Variants in SPRR2G observed in about 807,000 individuals in gnomAD.
SPRR2G encodes small proline rich protein 2G.
A neutral mutation model predicts 0.7 loss-of-function variants in SPRR2G; 1 was observed. The observed-to-expected ratio is 1.49, with a 90% CI of 0.53 to 7.06. The LOEUF (loss-of-function observed/expected upper bound fraction) is 7.06. Among genes scored for constraint, SPRR2G ranks in the 30% most tolerant of loss-of-function variants. The probability of loss-of-function intolerance (pLI) is 0.14; values close to 1 mark genes in which losing one functional copy is unlikely to be tolerated. For synonymous variants in SPRR2G, 38 were observed against 33.9 expected (o/e 1.12, Z -0.42); for missense variants, 96 against 88.5 (o/e 1.09, Z -0.34).
At chr1:153,152,299 C>T (rs1056503421), upstream of SPRR2G, among the ~76,000 whole-genome samples, 1 of 152,194 alleles carries the variant, frequency 6.6e-6, no homozygotes, top group Non-Finnish European at 1.5e-5. Context: ...ATTCTTCTAG[C>T]TGTAGTCACT....
the SPRR2G span, among the ~76,000 whole-genome samples, chr1:153,188,303 A>C: frequency 1.3e-5 from 2 of 152,128 alleles, no homozygotes; most frequent in Non-Finnish European, 2.9e-5. Context: ...AGCTGCACCC[A>C]CAGCCACCCC....
At chr1:153,186,801 CT>C in the SPRR2G span, among the ~76,000 whole-genome samples, 3 of 152,178 alleles carry the variant, frequency 2.0e-5, no homozygotes, top group Admixed American at 2.0e-4. Context: ...TGTCGTTGGT[CT>C]TTATATTTTG....
the SPRR2G span, among the ~76,000 whole-genome samples, chr1:153,196,344 T>C: frequency 1.3e-4 from 20 of 152,240 alleles, no homozygotes; most frequent in African/African-American, 4.6e-4. Context: ...CTTATTTCAC[T>C]GCATAATGTC....
the SPRR2G span, among the ~76,000 whole-genome samples, chr1:153,180,331 T>A: frequency 5.3e-5 from 8 of 152,174 alleles, no homozygotes; most frequent in Non-Finnish European, 1.2e-4. Flanking sequence ...TTGTTCTTCA[T>A]GTTCTGAACT....
At chr1:153,180,810 G>A in the SPRR2G span, among the ~76,000 whole-genome samples, 58 of 152,152 alleles carry the variant, frequency 3.8e-4, 1 homozygote, top group Non-Finnish European at 7.1e-4. Context: ...TAGCCATTTC[G>A]GTGGCTATGT....
the SPRR2G span, among the ~76,000 whole-genome samples, chr1:153,159,713 C>G: frequency 6.6e-6 from 1 of 152,150 alleles, no homozygotes; most frequent in African/African-American, 2.4e-5. Flanking sequence ...AGGAAACTTA[C>G]AATCATGGCA....
the SPRR2G span, among the ~76,000 whole-genome samples, chr1:153,178,750 T>A: frequency 6.6e-6 from 1 of 152,152 alleles, no homozygotes; most frequent in African/African-American, 2.4e-5. Context: ...TCATTTAATG[T>A]CCTTGTCAAG....
At chr1:153,183,438 G>A in the SPRR2G span, among the ~76,000 whole-genome samples, 1 of 151,956 alleles carries the variant, frequency 6.6e-6, no homozygotes. Context: ...GTATCTCATT[G>A]TGGCTTTGAT....
chr1:153,156,634 G>A, the SPRR2G span, among the ~76,000 whole-genome samples: 3 of 152,016 alleles, frequency 2.0e-5, no homozygotes, highest in African/African-American at 7.3e-5. Flanking sequence ...CTGCTGATTG[G>A]TAGAGAAGTT....
chr1:153,202,834 C>T, the SPRR2G span, among the ~76,000 whole-genome samples: 1 of 152,114 alleles, frequency 6.6e-6, no homozygotes, highest in Non-Finnish European at 1.5e-5. Context: ...CTAAGCCTAC[C>T]CACCTTTCGC....
the SPRR2G span, among the ~76,000 whole-genome samples, chr1:153,166,527 C>T: frequency 6.6e-6 from 1 of 152,058 alleles, no homozygotes; most frequent in Non-Finnish European, 1.5e-5. Flanking sequence ...AATTACTACC[C>T]CTTCTTCTCT....
At chr1:153,155,916 A>G in the SPRR2G span, among the ~76,000 whole-genome samples, 1 of 152,176 alleles carries the variant, frequency 6.6e-6, no homozygotes, top group Admixed American at 6.5e-5. Context: ...GTCCCATAAA[A>G]CACTCTGAGC....
chr1:153,195,274 T>G, the SPRR2G span, among the ~76,000 whole-genome samples: 1 of 152,196 alleles, frequency 6.6e-6, no homozygotes, highest in Non-Finnish European at 1.5e-5. Flanking sequence ...GAAATTACCT[T>G]TCATCTACTG....
the SPRR2G span, among the ~76,000 whole-genome samples, chr1:153,193,342 C>T: frequency 2.0e-5 from 3 of 152,196 alleles, no homozygotes; most frequent in African/African-American, 4.8e-5. Flanking sequence ...AGCTCTGTGC[C>T]TCAACATCAG....
the SPRR2G span, chr1:153,191,086 C>T: frequency 6.6e-6 from 1 of 152,288 alleles, no homozygotes; most frequent in Non-Finnish European, 1.5e-5. Flanking sequence ...TGGTTCAAGT[C>T]AGAAGGTCTT....
chr1:153,201,711 T>C, the SPRR2G span, among the ~76,000 whole-genome samples: 1 of 152,242 alleles, frequency 6.6e-6, no homozygotes, highest in Non-Finnish European at 1.5e-5. Flanking sequence ...TGAGGTTTAA[T>C]TGAATATGGC....
the SPRR2G span, among the ~76,000 whole-genome samples, chr1:153,171,390 CT>C: frequency 6.6e-6 from 1 of 152,194 alleles, no homozygotes; most frequent in East Asian, 1.9e-4. Flanking sequence ...CTACAGGAGC[CT>C]TTACACCCAC....
the SPRR2G span, among the ~76,000 whole-genome samples, chr1:153,181,657 G>A: frequency 8.0e-5 from 12 of 150,660 alleles, no homozygotes; most frequent in Admixed American, 2.0e-4. Context: ...ACATATGATG[G>A]AACAGGTGAT....
chr1:153,149,590 A>G lies in SPRR2G; in HGVS notation c.*299T>C, dbSNP rs1490679635. ...TGCAAACAAAAGCAATGTGGGCTTG[A>G]CCATGAAACATGTGCTTTATTGGGG... On this transcript the variant is annotated 3_prime_UTR_variant, in exon 2 of 2. Transcript: ENST00000368748. 2.1e-6 allele frequency: 1 copy of G among 468,306 alleles called. No homozygotes were observed. The highest frequency in any genetic ancestry group is 3.9e-6 in the Non-Finnish European group (1 of 255,562). The allele number at this position is 468,306 out of a possible 1,614,324, so 29.0% of individuals were successfully genotyped here.
Sources: gnomAD v4.1 joint callset for allele counts (sites outside exome capture counted in the v4.1 genomes callset) on GRCh38, gnomAD v4.1.1 for gene constraint, MANE v1.5 for transcripts, NCBI Gene and HGNC (gene_info 2026-07-23, HGNC 2026-07-21) for gene names.